The following ELAC2 variants were observed in gnomAD, a reference collection of about 807,000 sequenced individuals.
The protein encoded by ELAC2 is elaC ribonuclease Z 2.
Under a neutral mutation model 105.2 loss-of-function variants are expected in ELAC2, and 92 were observed. The ratio of observed to expected loss-of-function variants is 0.87; its 90% CI spans 0.74 to 1.04. The LOEUF is 1.04. ELAC2 is among the 50% of genes least tolerant of loss of function. ELAC2 has a pLI of 0.00. For missense variants in ELAC2, 1,099 were observed against 1,071.7 expected (o/e 1.03, Z -0.36); for synonymous variants, 468 against 409.1 (o/e 1.14, Z -1.74).
chr17:13,017,592 G>A (rs2041816377), intron 1 of ELAC2, 111 bp downstream of exon 1: 2 of 1,560,884 alleles, frequency 1.3e-6, no homozygotes, highest in South Asian at 2.3e-5. Context: ...CCCCGCAACA[G>A]TGAACCACAT....
chr17:13,016,497 A>C (rs2041728349), intron 3 of ELAC2, among the ~76,000 whole-genome samples: 1 of 152,114 alleles, frequency 6.6e-6, no homozygotes, highest in Non-Finnish European at 1.5e-5. Flanking sequence ...TATAAAAAGA[A>C]TTCCAGGCCA....
intron 23 of ELAC2, 150 bp from the exon 24 acceptor site, chr17:12,993,195 G>C: frequency 2.2e-6 from 2 of 896,978 alleles, no homozygotes; most frequent in Non-Finnish European, 3.5e-6. Flanking sequence ...ATGGAAAAAA[G>C]AATGGCATGG....
In ELAC2 at chr17:12,992,701, C is replaced by A; in HGVS notation, c.*117G>T. 1 of 1,265,042 alleles carries A rather than the reference C, an allele frequency of 7.9e-7. No homozygotes were observed. The highest frequency in any genetic ancestry group is 1.5e-5 in the African/African-American group (1 of 68,038). 78.4% of individuals were successfully genotyped at this position (1,265,042 alleles called of 1,614,324 possible). ...TCGGCACAGCTCCATACCACCTATC[C>A]TGAGCTGCCTCCTGGGGGACCGTGC... On this transcript the variant is annotated 3_prime_UTR_variant, in exon 24 of 24. Transcript: ENST00000338034.
In ELAC2 at chr17:13,017,787, C is replaced by A. The variant is rs961579300; in HGVS notation, c.161G>T (p.Gly54Val). The change falls in exon 1 of 24, where the codon GGC becomes GTC. Residue 54 changes from glycine to valine, a missense_variant. Coordinates refer to ENST00000338034, the MANE Select transcript of ELAC2 (RefSeq NM_018127.7). ...CACCTGCAGGTACACGGTGTTTGGGCCGCCGGAGCACCCCGACGGTCCGCG... is the reference window on the plus strand; with the variant it reads ...CACCTGCAGGTACACGGTGTTTGGGACGCCGGAGCACCCCGACGGTCCGCG... ...EKRGPSGCSG[G>V]PNTVYLQVVA... 7 of 1,609,020 alleles carry A rather than the reference C, an allele frequency of 4.4e-6. No homozygotes were observed. Among genetic ancestry groups the A allele is most frequent in the African/African-American group, 1.3e-5 (1 of 75,026 alleles).
rs2040240629 is a variant in ELAC2 at position 12,992,636 on chromosome 17, G to A, written c.*182C>T. 2 of 673,094 alleles carry A rather than the reference G, an allele frequency of 3.0e-6. No homozygotes were observed. The highest frequency in any genetic ancestry group is 5.0e-6 in the Non-Finnish European group (2 of 396,868). The allele number at this position is 673,094 out of a possible 1,614,324, so 41.7% of individuals were successfully genotyped here. A position where few individuals can be genotyped will look rare whatever the true frequency, so the allele number is the denominator to read the frequency against. On this transcript the variant is annotated 3_prime_UTR_variant, in exon 24 of 24. Transcript: ENST00000338034. ...CGGCTGTGCCAGGCACCAGTCCTAA[G>A]AGGCATCTATAGACTAGTGCTTATG...
chr17:12,999,552 GCT>G (rs2040652682), intron 15 of ELAC2, among the ~76,000 whole-genome samples: 1 of 152,256 alleles, frequency 6.6e-6, no homozygotes, highest in Non-Finnish European at 1.5e-5. Context: ...CCTGCTCAGA[GCT>G]CTTTCCACAG....
intron 5 of ELAC2, among the ~76,000 whole-genome samples, chr17:13,013,923 GTA>G (rs1258251134): frequency 2.6e-5 from 4 of 152,182 alleles, no homozygotes; most frequent in Non-Finnish European, 4.4e-5. Flanking sequence ...CACACAGCAT[GTA>G]CACAGGCAGG....
chr17:13,002,012 AAGG>A (rs1314728491), intron 14 of ELAC2, among the ~76,000 whole-genome samples: 1 of 152,208 alleles, frequency 6.6e-6, no homozygotes, highest in African/African-American at 2.4e-5. Context: ...AATTTTGGAA[AAGG>A]AGAACTACTG....
chr17:12,993,158 G>A, intron 23 of ELAC2, 113 bp from the exon 24 acceptor site: 1 of 1,136,184 alleles, frequency 8.8e-7, no homozygotes, highest in Non-Finnish European at 1.3e-6. Flanking sequence ...CCCCTTCCTT[G>A]GCACAAGCCA....
At chr17:13,015,914 CTATT>C in intron 3 of ELAC2, 82 bp from the exon 4 acceptor site, 2 of 1,046,016 alleles carry the variant, frequency 1.9e-6, no homozygotes, top group African/African-American at 1.6e-5. Flanking sequence ...ACTAATCCAA[CTATT>C]TATCTACATC....
chr17:13,014,290 C>CAAAA (rs959230890), intron 5 of ELAC2, 149 bp downstream of exon 5: 1,265 of 375,144 alleles, frequency 3.4e-3, no homozygotes, highest in African/African-American at 4.7e-3. Context: ...AGACTCTATC[C>CAAAA]AAAAAAAAAA....
chr17:13,002,793 GA>G, intron 12 of ELAC2: 1 of 697,866 alleles, frequency 1.4e-6, no homozygotes, highest in Non-Finnish European at 2.4e-6. Flanking sequence ...GGTGTGCTGG[GA>G]AGAGTGAGAG....
intron 4 of ELAC2, among the ~76,000 whole-genome samples, chr17:13,014,720 G>A (rs1222083904): frequency 6.6e-6 from 1 of 152,128 alleles, no homozygotes; most frequent in African/African-American, 2.4e-5. Flanking sequence ...GGCCAGTGGA[G>A]GAGACAAAAG....
At position 12,994,469 on chromosome 17, in the gene ELAC2, GGTGGCTTCAT is replaced by G; in HGVS notation, c.2054_2063del (p.His685ProfsTer28). On this transcript the variant is annotated frameshift_variant, in exon 22 of 24. Transcript: ENST00000338034. LOFTEE classifies it high-confidence loss of function. Reference sequence around the variant, plus strand: ...CTTCCTCTTCCAAACCATCTTCCAGGGTGGCTTCATGTATCAGGAGGGTGGCATCTTTCCC... The same window carrying G: ...CTTCCTCTTCCAAACCATCTTCCAGGGTATCAGGAGGGTGGCATCTTTCCC... The G allele has an allele frequency of 6.2e-7, 1 of 1,614,170 alleles. No homozygotes were observed. Among genetic ancestry groups the G allele is most frequent in the Non-Finnish European group, 8.5e-7 (1 of 1,180,038 alleles).
Position 13,002,566 on chromosome 17 carries a change from T to A in ELAC2, c.1093A>T (p.Thr365Ser), listed in dbSNP as rs770016046. ...TTCTCATTCAGGACCAAGTGCTGGGTGTCAGGCCCAAACCTGTGAAGAAAC... is the reference window on the plus strand; with the variant it reads ...TTCTCATTCAGGACCAAGTGCTGGGAGTCAGGCCCAAACCTGTGAAGAAAC... ...QQWMERFGPD[T>S]QHLVLNENCA... Residue 365 changes from threonine to serine, a missense_variant, in exon 13 of 24, where the codon ACC (threonine) becomes TCC (serine). Coordinates refer to ENST00000338034, the MANE Select transcript of ELAC2 (RefSeq NM_018127.7). 1 of 1,602,410 alleles carries A rather than the reference T, an allele frequency of 6.2e-7. No homozygotes were observed. The highest frequency in any genetic ancestry group is 1.7e-5 in the Admixed American group (1 of 58,796).
chr17:13,009,815 C>T (rs113669874), intron 8 of ELAC2, among the ~76,000 whole-genome samples: 41,676 of 151,684 alleles, frequency 0.27, 5,851 homozygotes, highest in Middle Eastern at 0.33. Context: ...ATGGTGAAAC[C>T]CCATCTCTAC....
intron 1 of ELAC2, 113 bp downstream of exon 1, chr17:13,017,590 C>T: frequency 6.4e-7 from 1 of 1,556,614 alleles, no homozygotes; most frequent in Middle Eastern, 1.9e-4. Flanking sequence ...ACCCCCGCAA[C>T]AGTGAACCAC....
In ELAC2 at chr17:13,005,039, A is replaced by T. The variant is rs2041027547; in HGVS notation, c.933T>A (p.Cys311Ter). 1.9e-6 allele frequency: 3 copies of T among 1,614,160 alleles called. No individual in the cohort carries two copies. Among genetic ancestry groups the T allele is most frequent in the Non-Finnish European group, 2.5e-6 (3 of 1,180,006 alleles). ...DPGAAFVVVE[C>*]PDESFIQPIC... Reference sequence around the variant, plus strand: ...TGGGTTGAATGAAGCTTTCATCTGGACATTCTACCACCACAAAAGCAGCAC... The same window carrying T: ...TGGGTTGAATGAAGCTTTCATCTGGTCATTCTACCACCACAAAAGCAGCAC... Residue 311 changes from cysteine to a stop codon, truncating the protein, a stop_gained, in exon 11 of 24, where the codon TGT becomes TGA. Coordinates refer to ENST00000338034, the MANE Select transcript of ELAC2 (RefSeq NM_018127.7). LOFTEE classifies it high-confidence loss of function.
chr17:13,004,215 C>G (rs914888305), intron 11 of ELAC2: 1 of 157,128 alleles, frequency 6.4e-6, no homozygotes, highest in African/African-American at 2.4e-5. Flanking sequence ...CTGCCCAAAA[C>G]TGGATTAAAA....
Sources: gnomAD v4.1 joint callset for allele counts (sites outside exome capture counted in the v4.1 genomes callset) on GRCh38, gnomAD v4.1.1 for gene constraint, MANE v1.5 for transcripts, NCBI Gene and HGNC (gene_info 2026-07-23, HGNC 2026-07-21) for gene names.